The following CUL2 variants were observed in gnomAD, a reference collection of about 807,000 sequenced individuals.
CUL2 encodes the protein cullin 2.
CUL2 carries 22 observed loss-of-function variants against 110.2 expected under a neutral mutation model. The observed-to-expected ratio is 0.20, with a 90% CI of 0.14 to 0.28. CUL2 has a LOEUF of 0.28. CUL2 is among the 10% of genes least tolerant of loss of function. The pLI, the probability that CUL2 is intolerant of heterozygous loss-of-function variation, is 1.00. For synonymous variants in CUL2, 279 were observed against 293.2 expected (o/e 0.95, Z 0.49); for missense variants, 631 against 905.5 (o/e 0.70, Z 3.89).
At chr10:35,011,224 TTTTTTTTTA>T (rs1177025353) in intron 20 of CUL2, among the ~76,000 whole-genome samples, 18 of 150,412 alleles carry the variant, frequency 1.2e-4, no homozygotes, top group African/African-American at 2.7e-4. Context: ...TTTTTTTTTT[TTTTTTTTTA>T]GGTGAGATGG....
At chr10:35,022,655 T>G (rs2085231463) in intron 17 of CUL2, among the ~76,000 whole-genome samples, 1 of 152,110 alleles carries the variant, frequency 6.6e-6, no homozygotes, top group South Asian at 2.1e-4. Context: ...TGAAAAATGT[T>G]GATCAAAGGG....
intron 9 of CUL2, among the ~76,000 whole-genome samples, chr10:35,038,381 C>T (rs924012664): frequency 6.6e-6 from 1 of 150,920 alleles, no homozygotes; most frequent in Non-Finnish European, 1.5e-5. Context: ...AAAAAATTAG[C>T]CAGGTGTGGT....
chr10:35,060,087 G>C (rs1337437004), intron 4 of CUL2, among the ~76,000 whole-genome samples: 2 of 151,998 alleles, frequency 1.3e-5, no homozygotes, highest in Non-Finnish European at 2.9e-5. Context: ...TAGTGAGACA[G>C]CATCTCTACA....
At position 35,008,730 on chromosome 10, in the gene CUL2, A is replaced by C. The variant is rs1357531776; in HGVS notation, c.*1581T>G. ...AGATTTTTAAAACACTTGAGACACG[A>C]GTTAGAAAAAATGCAATTGAATAAA... is the stretch of plus-strand genomic sequence containing the variant. On this transcript the variant is annotated 3_prime_UTR_variant, in exon 21 of 21. Coordinates refer to ENST00000374749, the MANE Select transcript of CUL2 (RefSeq NM_003591.4). 1 of 152,170 alleles carries C rather than the reference A, an allele frequency of 6.6e-6. No individual in the cohort carries two copies. The highest frequency in any genetic ancestry group is 1.5e-5 in the Non-Finnish European group (1 of 68,030). 9.4% of individuals were successfully genotyped at this position (152,170 alleles called of 1,614,324 possible).
intron 5 of CUL2, among the ~76,000 whole-genome samples, chr10:35,051,207 C>A (rs1004465370): frequency 6.5e-4 from 98 of 151,246 alleles, no homozygotes; most frequent in African/African-American, 2.3e-3. Context: ...CCCAGCTATG[C>A]GGGAGGCTGA....
intron 8 of CUL2, among the ~76,000 whole-genome samples, chr10:35,040,902 A>G (rs2085769157): frequency 1.3e-5 from 2 of 152,280 alleles, no homozygotes; most frequent in African/African-American, 2.4e-5. Flanking sequence ...TGCTGATGTG[A>G]CAGGAGGCGG....
chr10:35,037,121 T>C (rs1215907033), intron 9 of CUL2, among the ~76,000 whole-genome samples: 5 of 152,252 alleles, frequency 3.3e-5, no homozygotes, highest in Non-Finnish European at 7.3e-5. Flanking sequence ...GATATTCTTC[T>C]ATATTATCTT....
intron 1 of CUL2, among the ~76,000 whole-genome samples, 159 bp from the exon 2 acceptor site, chr10:35,071,498 A>G (rs1003803629): frequency 5.3e-5 from 8 of 152,146 alleles, no homozygotes; most frequent in African/African-American, 1.2e-4. Flanking sequence ...TCCGCCTCCC[A>G]GGTTCACGCC....
chr10:35,086,522 A>G (rs1018147744), intron 1 of CUL2, among the ~76,000 whole-genome samples: 5 of 152,018 alleles, frequency 3.3e-5, no homozygotes, highest in African/African-American at 1.2e-4. Flanking sequence ...GCTGGGCTCA[A>G]GTGATCCACC....
chr10:35,034,756 A>G (rs1325496533), intron 10 of CUL2, among the ~76,000 whole-genome samples: 1 of 152,232 alleles, frequency 6.6e-6, no homozygotes, highest in Non-Finnish European at 1.5e-5. Flanking sequence ...ATTTTAATCT[A>G]AATTTGCTTC....
intron 10 of CUL2, among the ~76,000 whole-genome samples, chr10:35,034,212 G>A (rs910318130): frequency 2.6e-5 from 4 of 152,050 alleles, no homozygotes; most frequent in African/African-American, 9.7e-5. Context: ...CACAAAATTC[G>A]ATGCTTCTAT....
intron 2 of CUL2, among the ~76,000 whole-genome samples, chr10:35,098,451 TGGC>T (rs1344288657): frequency 6.6e-6 from 1 of 152,092 alleles, no homozygotes; most frequent in African/African-American, 2.4e-5. Flanking sequence ...CCAGGCACGG[TGGC>T]TTACACCTGT....
chr10:35,088,499 CAA>C (rs9299718), intron 1 of CUL2, among the ~76,000 whole-genome samples: 10 of 88,566 alleles, frequency 1.1e-4, no homozygotes, highest in African/African-American at 4.6e-4. Context: ...GACTCCGCCT[CAA>C]AAAAAAAAAA....
rs1201712703 is a variant in CUL2 at position 35,031,449 on chromosome 10, G to A, written c.1299+42C>T. On this transcript the variant is annotated intron_variant, in intron 13 of 20. Coordinates refer to ENST00000374749, the MANE Select transcript of CUL2 (RefSeq NM_003591.4). This position sits in a 1 kb window ranked among gnomAD's most constrained non-coding sequence, Gnocchi z 4.4. ...TAATGATTTAGCATTCAGAAATAAA[G>A]TTGACCAAAATACAAATGAAACTTT... 1 of 1,601,704 alleles carries A rather than the reference G, an allele frequency of 6.2e-7. No individual in the cohort carries two copies. Among genetic ancestry groups the A allele is most frequent in the Admixed American group, 1.7e-5 (1 of 58,562 alleles).
chr10:35,119,977 T>C (rs961892442), intron 1 of CUL2: 1 of 152,206 alleles, frequency 6.6e-6, no homozygotes, highest in African/African-American at 2.4e-5. Context: ...ATTTATTTCT[T>C]ATTCTTACCT....
At chr10:35,087,617 G>A (rs1203875778) in intron 1 of CUL2, among the ~76,000 whole-genome samples, 1 of 152,042 alleles carries the variant, frequency 6.6e-6, no homozygotes, top group Admixed American at 6.6e-5. Context: ...CTTCATCTCA[G>A]TACACAGCAT....
intron 8 of CUL2, 132 bp from the exon 9 acceptor site, chr10:35,039,214 G>A: frequency 2.0e-6 from 1 of 494,806 alleles, no homozygotes; most frequent in Non-Finnish European, 3.5e-6. Flanking sequence ...GGTTACATAA[G>A]CAATTTAAAC....
intron 1 of CUL2, among the ~76,000 whole-genome samples, chr10:35,108,567 T>C (rs1270169722): frequency 6.6e-6 from 1 of 152,182 alleles, no homozygotes; most frequent in Non-Finnish European, 1.5e-5. Context: ...TCTTTGATAT[T>C]GGAATTGAGG....
intron 9 of CUL2, among the ~76,000 whole-genome samples, chr10:35,037,266 C>T (rs1241823002): frequency 3.9e-5 from 6 of 152,176 alleles, no homozygotes; most frequent in African/African-American, 9.7e-5. Flanking sequence ...CTGAGCAATG[C>T]GTGTTGAAAA....
Sources: allele counts gnomAD v4.1 joint callset (sites outside exome capture counted in the v4.1 genomes callset), GRCh38; gene constraint gnomAD v4.1.1; non-coding constraint Gnocchi (gnomAD v3.1); transcripts MANE v1.5; gene names NCBI Gene and HGNC (gene_info 2026-07-23, HGNC 2026-07-21).